The following TRAPPC9 variants were observed in gnomAD, a reference collection of about 807,000 sequenced individuals.
The protein encoded by TRAPPC9 is IKK2 binding protein.
Under a neutral mutation model 124.0 loss-of-function variants are expected in TRAPPC9, and 83 were observed. The ratio of observed to expected loss-of-function variants is 0.67; its 90% CI spans 0.56 to 0.80. TRAPPC9 has a LOEUF of 0.80. Ranked by LOEUF, TRAPPC9 falls within the 30% of genes least tolerant of loss-of-function variation. The pLI is 0.00. For missense variants in TRAPPC9, 1,302 were observed against 1,508.3 expected (o/e 0.86, Z 2.27); for synonymous variants, 638 against 617.5 (o/e 1.03, Z -0.49).
chr8:140,199,383 G>A (rs548477083), intron 17 of TRAPPC9, among the ~76,000 whole-genome samples: 1 of 152,226 alleles, frequency 6.6e-6, no homozygotes, highest in African/African-American at 2.4e-5. Flanking sequence ...ACCTCACAGG[G>A]ATCCTGTGAA....
chr8:140,042,246 C>G (rs993377482), intron 17 of TRAPPC9, among the ~76,000 whole-genome samples: 3 of 150,796 alleles, frequency 2.0e-5, no homozygotes, highest in Non-Finnish European at 3.0e-5. Flanking sequence ...CAAACATATA[C>G]AGAGAGAGAA....
Position 140,039,038 on chromosome 8 carries a change from A to G in TRAPPC9, c.2557-14959T>C, listed in dbSNP as rs1177116161. Among the ~76,000 whole-genome samples, 8 of 152,350 alleles carry G rather than the reference A, an allele frequency of 5.3e-5. No homozygotes were observed. In the East Asian group the frequency reaches 1.4e-3, roughly 26 times the overall value. ...GGGTCAAAGCCTCAGGTCAATGTGC[A>G]GTGATCTACAAGATCCCATCCGGTG... On this transcript the variant is annotated intron_variant, in intron 17 of 22. Transcript: ENST00000438773.
intron 17 of TRAPPC9, among the ~76,000 whole-genome samples, chr8:140,149,790 C>T (rs2061516437): frequency 6.6e-6 from 1 of 152,158 alleles, no homozygotes; most frequent in Non-Finnish European, 1.5e-5. Flanking sequence ...CTTCTCATCT[C>T]CTTGAAAGGT....
At chr8:139,853,953 C>A (rs543094952) in intron 21 of TRAPPC9, among the ~76,000 whole-genome samples, 4 of 152,158 alleles carry the variant, frequency 2.6e-5, no homozygotes, top group South Asian at 4.1e-4. Context: ...GTATACCATA[C>A]GTATATAATA....
chr8:140,427,833 G>A (rs995376860), intron 4 of TRAPPC9, among the ~76,000 whole-genome samples: 1 of 152,154 alleles, frequency 6.6e-6, no homozygotes, highest in Non-Finnish European at 1.5e-5. Context: ...AAAAATCACT[G>A]CAATCTTGAC....
chr8:140,090,611 A>C (rs879877335), intron 17 of TRAPPC9, among the ~76,000 whole-genome samples: 2 of 152,262 alleles, frequency 1.3e-5, no homozygotes, highest in Non-Finnish European at 2.9e-5. Flanking sequence ...CCAGCTGCGT[A>C]GAGGTCCGGG....
At chr8:139,904,736 G>A (rs932322577) in intron 20 of TRAPPC9, 6 of 152,204 alleles carry the variant, frequency 3.9e-5, no homozygotes, top group South Asian at 4.1e-4. Context: ...CAAAAAGGCC[G>A]ATGATTCTTC....
intron 2 of TRAPPC9, among the ~76,000 whole-genome samples, chr8:140,450,177 G>A (rs985270762): frequency 1.3e-5 from 2 of 152,154 alleles, no homozygotes; most frequent in Middle Eastern, 3.4e-3. Context: ...CCTGGCCAAC[G>A]TGGCAAGATC....
At chr8:140,442,121 T>C (rs2071038423) in intron 2 of TRAPPC9, among the ~76,000 whole-genome samples, 1 of 152,212 alleles carries the variant, frequency 6.6e-6, no homozygotes, top group African/African-American at 2.4e-5. Context: ...ACCCACAAAA[T>C]TTCAAAAATA....
rs556430241 is a variant in TRAPPC9, at chr8:139,982,253, G to A, written c.2810+6473C>T. On this transcript the variant is annotated intron_variant, in intron 19 of 22. Transcript: ENST00000438773. ...GGAAAATGGACGAGGAGGGAAGGCC[G>A]ATTCTGGGAACGCAGCCTAGGGAAC... is the stretch of plus-strand genomic sequence containing the variant. Among the ~76,000 whole-genome samples the A allele has an allele frequency of 1.7e-3, 262 of 152,318 alleles. 1 individual carries two copies. The highest frequency in any genetic ancestry group is 5.5e-3 in the African/African-American group (229 of 41,566).
intron 21 of TRAPPC9, among the ~76,000 whole-genome samples, chr8:139,859,522 GAT>G (rs772267220): frequency 2.6e-5 from 4 of 152,174 alleles, no homozygotes; most frequent in Non-Finnish European, 5.9e-5. Context: ...GCTTCTCCCT[GAT>G]GACATCATGA....
chr8:139,915,466 C>T lies in TRAPPC9; in HGVS notation c.2811-5166G>A, dbSNP rs540483001. Among the ~76,000 whole-genome samples, 17 of 152,224 alleles carry T rather than the reference C, an allele frequency of 1.1e-4. No homozygotes were observed. The East Asian group carries it at 2.1e-3, about 19-fold the overall frequency. ...TTCACCATGTTGCCCAGGCTGGTCT[C>T]GAACTCCTGACTTCAAGTGATCTTC... On this transcript the variant is annotated intron_variant, in intron 19 of 22. Coordinates refer to ENST00000438773, the MANE Select transcript of TRAPPC9 (RefSeq NM_001160372.4).
chr8:139,734,741 C>T (rs553532020), intron 21 of TRAPPC9, among the ~76,000 whole-genome samples: 29 of 152,348 alleles, frequency 1.9e-4, no homozygotes, highest in South Asian at 8.3e-4. Flanking sequence ...GGAGAAGGAA[C>T]GCTCAGCCAA....
intron 21 of TRAPPC9, among the ~76,000 whole-genome samples, chr8:139,847,343 AG>A (rs1422141294): frequency 4.6e-5 from 7 of 152,230 alleles, no homozygotes; most frequent in African/African-American, 1.7e-4. Context: ...ATCCTGGCTG[AG>A]GGATGGAATC....
chr8:139,774,609 T>C (rs1246710169), intron 21 of TRAPPC9, among the ~76,000 whole-genome samples: 1 of 152,134 alleles, frequency 6.6e-6, no homozygotes, highest in African/African-American at 2.4e-5. Flanking sequence ...CACAGTGCGA[T>C]GTTTCCTCGG....
chr8:140,396,163 C>T (rs1458648269), intron 7 of TRAPPC9, among the ~76,000 whole-genome samples: 2 of 108,090 alleles, frequency 1.9e-5, no homozygotes, highest in East Asian at 6.3e-4. Context: ...TTTTTTGAGA[C>T]AAGAGTCTCA....
chr8:139,910,770 G>A (rs967372249), intron 19 of TRAPPC9, among the ~76,000 whole-genome samples: 1 of 95,094 alleles, frequency 1.1e-5, no homozygotes, highest in Non-Finnish European at 1.9e-5. Flanking sequence ...CCAGGTGGGC[G>A]TGCCCCTCCC....
At chr8:140,415,970 A>C (rs2069915788) in intron 5 of TRAPPC9, among the ~76,000 whole-genome samples, 1 of 152,156 alleles carries the variant, frequency 6.6e-6, no homozygotes, top group Non-Finnish European at 1.5e-5. Flanking sequence ...CTTAAACCAG[A>C]AGAAAGAGCT....
intron 21 of TRAPPC9, among the ~76,000 whole-genome samples, chr8:139,809,170 C>T (rs1365402921): frequency 1.3e-5 from 2 of 152,206 alleles, no homozygotes; most frequent in African/African-American, 2.4e-5. Flanking sequence ...ACTTGTCCCA[C>T]TTAGCATTTA....
Sources: allele counts gnomAD v4.1 joint callset (sites outside exome capture counted in the v4.1 genomes callset), GRCh38; gene constraint gnomAD v4.1.1; transcripts MANE v1.5; gene names NCBI Gene and HGNC (gene_info 2026-07-23, HGNC 2026-07-21).